The following ULK4 variants were observed in gnomAD, a reference collection of about 807,000 sequenced individuals.
ULK4 encodes inactive serine/threonine-protein kinase ULK4.
A neutral mutation model predicts 160.6 loss-of-function variants in ULK4; 133 were observed. The observed-to-expected ratio is 0.83, with a 90% confidence interval of 0.72 to 0.96. The LOEUF (loss-of-function observed/expected upper bound fraction) is 0.96, where lower values mean the gene tolerates loss of function less well. Among genes scored for constraint, ULK4 ranks in the 40% least tolerant of loss-of-function variants. ULK4 has a pLI of 0.00. For missense variants in ULK4, 1,580 were observed against 1,499.5 expected, an observed-to-expected ratio of 1.05 and a Z score of -0.89; for synonymous variants, 534 against 539.8, an observed-to-expected ratio of 0.99 and a Z score of 0.15.
chr3:41,779,845 G>A (rs1426919360), intron 21 of ULK4, among the ~76,000 whole-genome samples: 1 of 87,566 alleles, frequency 1.1e-5, no homozygotes, highest in African/African-American at 5.0e-5. Flanking sequence ...TGTGGTCGGG[G>A]GAGGGGGGAG....
intron 21 of ULK4, among the ~76,000 whole-genome samples, chr3:41,787,545 G>A (rs2040032899): frequency 6.6e-6 from 1 of 152,150 alleles, no homozygotes. Context: ...CAGTGTCAGA[G>A]GGGACTCTAA....
chr3:41,721,056 G>C (rs1214711897), intron 22 of ULK4, among the ~76,000 whole-genome samples: 2 of 151,724 alleles, frequency 1.3e-5, no homozygotes, highest in Non-Finnish European at 2.9e-5. Flanking sequence ...ACATGAAAAA[G>C]CTACAAGATA....
intron 32 of ULK4, among the ~76,000 whole-genome samples, chr3:41,558,122 T>A (rs1412342158): frequency 6.6e-6 from 1 of 152,194 alleles, no homozygotes; most frequent in Non-Finnish European, 1.5e-5. Flanking sequence ...ATTTCTCCTA[T>A]ACATATTCCT....
chr3:41,685,768 C>T (rs559462557), intron 27 of ULK4, among the ~76,000 whole-genome samples: 2 of 152,114 alleles, frequency 1.3e-5, no homozygotes, highest in Admixed American at 6.5e-5. Context: ...TTCAGAGAGT[C>T]TGTCTGGGAA....
intron 12 of ULK4, among the ~76,000 whole-genome samples, chr3:41,907,470 T>C (rs1459932650): frequency 1.3e-5 from 2 of 151,912 alleles, no homozygotes; most frequent in African/African-American, 4.8e-5. Context: ...CTAATTTTTT[T>C]TTATTTTTTA....
chr3:41,591,478 C>T (rs111400200), intron 31 of ULK4, among the ~76,000 whole-genome samples: 1,827 of 149,138 alleles, frequency 0.012, 41 homozygotes, highest in African/African-American at 0.043. Flanking sequence ...AATACACTAC[C>T]GATAACTGAT....
At chr3:41,680,885 T>C (rs1197807705) in intron 29 of ULK4, among the ~76,000 whole-genome samples, 1 of 152,212 alleles carries the variant, frequency 6.6e-6, no homozygotes, top group African/African-American at 2.4e-5. Flanking sequence ...AAACTAGCTT[T>C]GATAAAATTG....
At chr3:41,615,813 G>A in intron 30 of ULK4, 96 bp from the exon 31 acceptor site, 2 of 1,059,966 alleles carry the variant, frequency 1.9e-6, no homozygotes, top group South Asian at 1.6e-5. Context: ...ATGTTTTATT[G>A]CTAAAATTCC....
chr3:41,483,231 T>C (rs1027848294), intron 32 of ULK4, among the ~76,000 whole-genome samples: 1 of 152,178 alleles, frequency 6.6e-6, no homozygotes, highest in African/African-American at 2.4e-5. Context: ...ATTGTTTTAA[T>C]TTTTAGCTCC....
intron 31 of ULK4, among the ~76,000 whole-genome samples, chr3:41,571,898 G>C (rs555133061): frequency 6.6e-6 from 1 of 152,320 alleles, no homozygotes; most frequent in East Asian, 1.9e-4. Flanking sequence ...GTGAAGACCT[G>C]CAACAAGGCC....
intron 27 of ULK4, among the ~76,000 whole-genome samples, chr3:41,695,873 A>C (rs1385173797): frequency 6.6e-6 from 1 of 152,178 alleles, no homozygotes; most frequent in Non-Finnish European, 1.5e-5. Flanking sequence ...TATAATCATA[A>C]CCTAGGAAAA....
intron 33 of ULK4, among the ~76,000 whole-genome samples, chr3:41,462,387 C>G (rs2083707246): frequency 6.6e-6 from 1 of 152,100 alleles, no homozygotes; most frequent in Non-Finnish European, 1.5e-5. Flanking sequence ...TCACCTTGAC[C>G]CTGTCACTTT....
At chr3:41,275,137 G>A (rs993573122) in intron 35 of ULK4, among the ~76,000 whole-genome samples, 2 of 152,154 alleles carry the variant, frequency 1.3e-5, no homozygotes, top group African/African-American at 4.8e-5. Context: ...TAGAAGAAGT[G>A]ACTTATCTAT....
chr3:41,886,190 C>T (rs563006457), intron 16 of ULK4, among the ~76,000 whole-genome samples: 3 of 152,136 alleles, frequency 2.0e-5, no homozygotes, highest in Non-Finnish European at 4.4e-5. Context: ...GTGGAAGCTA[C>T]TATTAATTTT....
chr3:41,864,783 A>G (rs1320064568), intron 17 of ULK4, among the ~76,000 whole-genome samples: 2 of 152,136 alleles, frequency 1.3e-5, no homozygotes, highest in African/African-American at 2.4e-5. Context: ...TTCCTGTTAT[A>G]GTGGATAGTG....
chr3:41,599,929 T>C (rs2031955576), intron 31 of ULK4, among the ~76,000 whole-genome samples: 1 of 152,188 alleles, frequency 6.6e-6, no homozygotes, highest in Admixed American at 6.5e-5. Flanking sequence ...AACTAAAAAA[T>C]ATTAGTTACT....
At chr3:41,465,065 A>G (rs2083792580) in intron 32 of ULK4, among the ~76,000 whole-genome samples, 1 of 152,222 alleles carries the variant, frequency 6.6e-6, no homozygotes, top group South Asian at 2.1e-4. Flanking sequence ...AGATAAGATT[A>G]GAAATGAAGT....
chr3:41,501,089 T>C (rs1235503998), intron 32 of ULK4, among the ~76,000 whole-genome samples: 1 of 152,176 alleles, frequency 6.6e-6, no homozygotes, highest in Admixed American at 6.5e-5. Flanking sequence ...TAAAATTAAA[T>C]AGATTGACAA....
chr3:41,292,496 A>G (rs1575402509), intron 35 of ULK4, among the ~76,000 whole-genome samples: 2 of 152,288 alleles, frequency 1.3e-5, no homozygotes, highest in South Asian at 4.1e-4. Context: ...AATACAAAAA[A>G]TTAGCTGGGT....
Sources: allele counts gnomAD v4.1 joint callset (sites outside exome capture counted in the v4.1 genomes callset), GRCh38; gene constraint gnomAD v4.1.1; transcripts MANE v1.5; gene names NCBI Gene and HGNC (gene_info 2026-07-23, HGNC 2026-07-21).